Variants in FAM171B observed in about 807,000 individuals in gnomAD.
FAM171B encodes family with sequence similarity 171 member B.
FAM171B carries 19 observed loss-of-function variants against 75.6 expected under a neutral mutation model. The observed-to-expected ratio is 0.25, with a 90% CI of 0.18 to 0.37. FAM171B has a LOEUF of 0.37. Among genes scored for constraint, FAM171B ranks in the 10% least tolerant of loss-of-function variants. The pLI is 1.00. For synonymous variants in FAM171B, 367 were observed against 361.7 expected (o/e 1.01, Z -0.17); for missense variants, 848 against 982.4 (o/e 0.86, Z 1.83).
At chr2:186,757,752 G>A (rs982646424) in intron 6 of FAM171B, among the ~76,000 whole-genome samples, 4 of 152,004 alleles carry the variant, frequency 2.6e-5, no homozygotes, top group South Asian at 2.1e-4. Flanking sequence ...ACATGCACAC[G>A]GATACAGATA....
chr2:186,729,640 C>T (rs1018605860), intron 1 of FAM171B, among the ~76,000 whole-genome samples: 1 of 152,068 alleles, frequency 6.6e-6, no homozygotes, highest in African/African-American at 2.4e-5. Flanking sequence ...ATTACTTTGA[C>T]CAGGCTTTCA....
At chr2:186,731,585 A>G (rs1223890305) in intron 1 of FAM171B, among the ~76,000 whole-genome samples, 1 of 152,184 alleles carries the variant, frequency 6.6e-6, no homozygotes, top group African/African-American at 2.4e-5. Context: ...CTCTACACTT[A>G]TAGTTTTTTA....
At chr2:186,747,881 T>G (rs1356976701) in intron 4 of FAM171B, among the ~76,000 whole-genome samples, 2 of 152,156 alleles carry the variant, frequency 1.3e-5, no homozygotes, top group Non-Finnish European at 2.9e-5. Context: ...AAATAAACCC[T>G]TTACAAACAT....
Position 186,761,717 on chromosome 2 carries a change from G to T in FAM171B, c.1375G>T (p.Asp459Tyr), listed in dbSNP as rs1007273396. Reference sequence around the variant, plus strand: ...AGTTTCCATGGTAAAAACTCGGGACGATTTTAAAATCTACAATGAAGATGT... The same window carrying T: ...AGTTTCCATGGTAAAAACTCGGGACTATTTTAAAATCTACAATGAAGATGT... ...ERVSMVKTRD[D>Y]FKIYNEDVSF... is the part of the protein sequence containing the mutation. Residue 459 changes from aspartate to tyrosine, a missense_variant, in exon 8 of 8, where the codon GAT (aspartate) becomes TAT (tyrosine). Coordinates refer to ENST00000304698, the MANE Select transcript of FAM171B (RefSeq NM_177454.4). The T allele has an allele frequency of 6.2e-7, 1 of 1,612,972 alleles. No homozygotes were observed. Among genetic ancestry groups the T allele is most frequent in the East Asian group, 2.2e-5 (1 of 44,852 alleles).
In FAM171B at chr2:186,762,883, A is replaced by G; in HGVS notation, c.*60A>G. On this transcript the variant is annotated 3_prime_UTR_variant, in exon 8 of 8. Coordinates refer to ENST00000304698, the MANE Select transcript of FAM171B (RefSeq NM_177454.4). This position sits in a 1 kb window ranked among gnomAD's most constrained non-coding sequence, Gnocchi z 4.0. The stretch of plus-strand genomic sequence containing the variant: ...TGTTTATTCTTGCTTCTTGTTGTAA[A>G]TTGCAGTACGAACTTAAGAAAATGA... The G allele has an allele frequency of 2.6e-6, 4 of 1,543,196 alleles. No homozygotes were observed. In the South Asian group the frequency reaches 3.9e-5, roughly 15 times the overall value.
In FAM171B at chr2:186,761,470, C is replaced by G; in HGVS notation, c.1137-9C>G. Reference sequence around the variant, plus strand: ...TTTTAAATATTTTTTGCCTTCTCTTCTACTCTAGGGACAAGTGTGGTACTC... The same window carrying G: ...TTTTAAATATTTTTTGCCTTCTCTTGTACTCTAGGGACAAGTGTGGTACTC... On this transcript the variant is annotated splice_polypyrimidine_tract_variant and intron_variant, in intron 7 of 7. Coordinates refer to ENST00000304698, the MANE Select transcript of FAM171B (RefSeq NM_177454.4). The G allele has an allele frequency of 6.5e-7, 1 of 1,543,988 alleles. No individual in the cohort carries two copies. The highest frequency in any genetic ancestry group is 1.3e-5 in the South Asian group (1 of 77,440).
At chr2:186,748,473 C>T (rs1440275907) in intron 4 of FAM171B, among the ~76,000 whole-genome samples, 2 of 152,210 alleles carry the variant, frequency 1.3e-5, no homozygotes, top group African/African-American at 4.8e-5. Context: ...CTGTTACAAA[C>T]CTGCTTTTCC....
intron 2 of FAM171B, 141 bp from the exon 3 acceptor site, chr2:186,743,338 CCTTT>C (rs1690319179): frequency 1.7e-6 from 1 of 581,686 alleles, no homozygotes; most frequent in Non-Finnish European, 3.1e-6. Flanking sequence ...ATTCATTCTT[CCTTT>C]GTTTTGAATT....
chr2:186,700,177 G>A (rs558696343), intron 1 of FAM171B, among the ~76,000 whole-genome samples: 12 of 151,076 alleles, frequency 7.9e-5, no homozygotes, highest in African/African-American at 2.9e-4. Context: ...TATGCCATTG[G>A]TATTTTGATA....
intron 1 of FAM171B, among the ~76,000 whole-genome samples, chr2:186,703,391 C>G (rs1440816936): frequency 1.3e-5 from 2 of 152,206 alleles, no homozygotes; most frequent in Admixed American, 1.3e-4. Context: ...GAAATGTTCA[C>G]TTTCAACTCA....
At chr2:186,761,023 A>G in intron 6 of FAM171B, 90 bp from the exon 7 acceptor site, 3 of 1,341,198 alleles carry the variant, frequency 2.2e-6, no homozygotes, top group Non-Finnish European at 3.1e-6. Flanking sequence ...AAGTATGTAC[A>G]CTTATTCAAT....
intron 7 of FAM171B, 40 bp downstream of exon 7, chr2:186,761,276 T>C: frequency 6.2e-7 from 1 of 1,607,392 alleles, no homozygotes; most frequent in African/African-American, 1.3e-5. Context: ...TATCAAGTTA[T>C]GGTATCATTT....
At chr2:186,694,851 G>A (rs1689557148) in intron 1 of FAM171B, among the ~76,000 whole-genome samples, 1 of 151,550 alleles carries the variant, frequency 6.6e-6, no homozygotes, top group Non-Finnish European at 1.5e-5. Flanking sequence ...TAGAGACTGA[G>A]AAATCTTGCC....
intron 1 of FAM171B, among the ~76,000 whole-genome samples, chr2:186,724,689 A>G (rs1690005270): frequency 1.3e-5 from 2 of 152,176 alleles, no homozygotes; most frequent in South Asian, 4.1e-4. Context: ...AAAGTGAGGG[A>G]GTATGCCATT....
At chr2:186,745,687 A>G (rs987148123) in intron 3 of FAM171B, among the ~76,000 whole-genome samples, 2 of 152,216 alleles carry the variant, frequency 1.3e-5, no homozygotes, top group Non-Finnish European at 2.9e-5. Flanking sequence ...GTGTTTATGT[A>G]TTTATGGCAA....
At chr2:186,723,938 T>G (rs1438890870) in intron 1 of FAM171B, among the ~76,000 whole-genome samples, 2 of 152,202 alleles carry the variant, frequency 1.3e-5, no homozygotes, top group African/African-American at 4.8e-5. Context: ...CATTCAGAAA[T>G]AAGTATTGGT....
chr2:186,751,325 T>C (rs1192599394), intron 5 of FAM171B, 21 bp downstream of exon 5: 2 of 1,495,490 alleles, frequency 1.3e-6, no homozygotes, highest in Non-Finnish European at 1.8e-6. Context: ...TAGGTTAAAA[T>C]AGTCTGAATA....
intron 1 of FAM171B, among the ~76,000 whole-genome samples, chr2:186,705,025 G>T (rs533720961): frequency 1.3e-5 from 2 of 152,164 alleles, no homozygotes; most frequent in Non-Finnish European, 2.9e-5. Flanking sequence ...TCTTGGCTTC[G>T]CCCAGGAAGG....
At chr2:186,751,409 A>T in intron 5 of FAM171B, 105 bp downstream of exon 5, 1 of 1,061,306 alleles carries the variant, frequency 9.4e-7, no homozygotes, top group South Asian at 3.0e-5. Context: ...TTTTAGTAAC[A>T]TCACAAATGT....
Sources: allele counts gnomAD v4.1 joint callset (sites outside exome capture counted in the v4.1 genomes callset), GRCh38; gene constraint gnomAD v4.1.1; non-coding constraint Gnocchi (gnomAD v3.1); transcripts MANE v1.5; gene names NCBI Gene and HGNC (gene_info 2026-07-23, HGNC 2026-07-21).